ANKS1B: variants seen among roughly 807,000 people sequenced by gnomAD.
ANKS1B encodes the protein ankyrin repeat and sterile alpha motif domain-containing protein 1B.
Under a neutral mutation model 148.3 loss-of-function variants are expected in ANKS1B, and 36 were observed. That is an observed-to-expected ratio of 0.24 (90% CI 0.19 to 0.32). The LOEUF is 0.32. Among genes scored for constraint, ANKS1B ranks in the 10% least tolerant of loss-of-function variants. The pLI is 1.00. For synonymous variants in ANKS1B, 542 were observed against 560.8 expected (o/e 0.97, Z 0.47); for missense variants, 1,157 against 1,542.6 (o/e 0.75, Z 4.19).
chr12:99,075,249 C>G (rs1565909963), intron 16 of ANKS1B, among the ~76,000 whole-genome samples: 1 of 151,922 alleles, frequency 6.6e-6, no homozygotes, highest in Non-Finnish European at 1.5e-5. Flanking sequence ...TGATGCATTT[C>G]CTGTCCTGGC....
chr12:99,661,693 C>T (rs1396580806), intron 8 of ANKS1B, among the ~76,000 whole-genome samples: 2 of 152,152 alleles, frequency 1.3e-5, no homozygotes, highest in Admixed American at 6.5e-5. Flanking sequence ...AATATACAGT[C>T]CCCCCTCCTC....
intron 12 of ANKS1B, among the ~76,000 whole-genome samples, chr12:99,347,990 G>A (rs1428287005): frequency 6.6e-6 from 1 of 151,748 alleles, no homozygotes; most frequent in Non-Finnish European, 1.5e-5. Flanking sequence ...AATAAAGAAG[G>A]CAGAAATGAT....
At chr12:99,678,125 C>T (rs1327018721) in intron 8 of ANKS1B, among the ~76,000 whole-genome samples, 1 of 152,166 alleles carries the variant, frequency 6.6e-6, no homozygotes, top group Non-Finnish European at 1.5e-5. Context: ...TAAGATAGAA[C>T]AAAATCTATG....
At chr12:98,842,902 T>C (rs1055931568) in intron 17 of ANKS1B, among the ~76,000 whole-genome samples, 1 of 152,200 alleles carries the variant, frequency 6.6e-6, no homozygotes, top group African/African-American at 2.4e-5. Context: ...TTCCTATGTA[T>C]GTATATTTTT....
intron 17 of ANKS1B, among the ~76,000 whole-genome samples, chr12:98,848,444 T>C (rs1033572131): frequency 1.8e-4 from 27 of 152,284 alleles, no homozygotes; most frequent in African/African-American, 6.5e-4. Context: ...ATGATGAAAA[T>C]GCTATAGTGT....
At chr12:99,718,751 A>G (rs752361742) in intron 8 of ANKS1B, among the ~76,000 whole-genome samples, 10 of 152,186 alleles carry the variant, frequency 6.6e-5, no homozygotes, top group Non-Finnish European at 8.8e-5. Context: ...GATCTCAAAC[A>G]TGCTTTCTTT....
At chr12:99,017,326 G>T (rs1192678628) in intron 17 of ANKS1B, among the ~76,000 whole-genome samples, 1 of 152,096 alleles carries the variant, frequency 6.6e-6, no homozygotes, top group Non-Finnish European at 1.5e-5. Context: ...CTAATGGAAA[G>T]GCACAAGGTT....
chr12:99,320,075 C>G (rs187500861), intron 12 of ANKS1B, among the ~76,000 whole-genome samples: 9 of 152,290 alleles, frequency 5.9e-5, no homozygotes, highest in South Asian at 2.1e-4. Flanking sequence ...TTAGTCTGAT[C>G]GGCTTCCCTT....
At chr12:99,578,099 C>T (rs913570127) in intron 9 of ANKS1B, among the ~76,000 whole-genome samples, 1 of 151,988 alleles carries the variant, frequency 6.6e-6, no homozygotes, top group African/African-American at 2.4e-5. Flanking sequence ...TCACCACAAA[C>T]AGAAGTAAAA....
At position 99,405,284 on chromosome 12, in the gene ANKS1B, G is replaced by C. The variant is rs1466273581; in HGVS notation, c.1576-5473C>G. Among the ~76,000 whole-genome samples the C allele has an allele frequency of 1.4e-5, 2 of 145,478 alleles. 1 individual carries two copies. The highest frequency in any genetic ancestry group is 5.2e-5 in the African/African-American group (2 of 38,440). ...ATTGGGATGTGTGAACTCATATTTTGAGGTGACAAATGAAAAAATAGACTG... is the reference window on the plus strand; with the variant it reads ...ATTGGGATGTGTGAACTCATATTTTCAGGTGACAAATGAAAAAATAGACTG... On this transcript the variant is annotated intron_variant, in intron 11 of 26. Coordinates refer to ENST00000683438, the MANE Select transcript of ANKS1B (RefSeq NM_001352186.2).
At chr12:99,536,962 GTTTGT>G (rs1399102657) in intron 9 of ANKS1B, among the ~76,000 whole-genome samples, 1 of 152,008 alleles carries the variant, frequency 6.6e-6, no homozygotes, top group African/African-American at 2.4e-5. Context: ...ATCTCCATGA[GTTTGT>G]TTTGCTTTTT....
At chr12:98,799,954 G>A (rs1427985210) in intron 21 of ANKS1B, among the ~76,000 whole-genome samples, 1 of 151,934 alleles carries the variant, frequency 6.6e-6, no homozygotes, top group South Asian at 2.1e-4. Context: ...TGACAAGACT[G>A]GAGACTTGTA....
In ANKS1B at chr12:99,356,470, T is replaced by C. The variant is rs548368172; in HGVS notation, c.1756+43161A>G. On this transcript the variant is annotated intron_variant, in intron 12 of 26. Coordinates refer to ENST00000683438, the MANE Select transcript of ANKS1B (RefSeq NM_001352186.2). ...CACTGAGGAGCCTGCTGAGAGAGCA[T>C]GCCAGCATCAGGAAGGAAAATTCCT... is the stretch of plus-strand genomic sequence containing the variant. Among the ~76,000 whole-genome samples, 415 of 152,250 alleles carry C rather than the reference T, an allele frequency of 2.7e-3. 5 individuals carry two copies. Among genetic ancestry groups the C allele is most frequent in the Middle Eastern group, 0.017 (5 of 294 alleles).
rs540251908 is a variant in ANKS1B at position 98,829,904 on chromosome 12, G to A, written c.2887-551C>T. Among the ~76,000 whole-genome samples the A allele has an allele frequency of 5.9e-5, 9 of 152,336 alleles. No homozygotes were observed. The highest frequency in any genetic ancestry group is 2.1e-4 in the South Asian group (1 of 4,826). On this transcript the variant is annotated intron_variant, in intron 18 of 26. Coordinates refer to ENST00000683438, the MANE Select transcript of ANKS1B (RefSeq NM_001352186.2). The surrounding 1 kb of genome is among the most constrained non-coding windows in gnomAD (Gnocchi z 5.2). ...AAAGACAACTCCATCCAAGGGAAACGGGTCAGGAGGAAGATAGGGGGCATA... is the reference window on the plus strand; with the variant it reads ...AAAGACAACTCCATCCAAGGGAAACAGGTCAGGAGGAAGATAGGGGGCATA...
At chr12:99,825,652 G>A (rs1357735315) in intron 1 of ANKS1B, among the ~76,000 whole-genome samples, 1 of 152,134 alleles carries the variant, frequency 6.6e-6, no homozygotes, top group East Asian at 1.9e-4. Context: ...ACTGAAGTTT[G>A]GATCCAAAAA....
chr12:99,751,843 T>C (rs1178163373), intron 8 of ANKS1B, among the ~76,000 whole-genome samples: 1 of 152,034 alleles, frequency 6.6e-6, no homozygotes, highest in African/African-American at 2.4e-5. Flanking sequence ...GAAAGCCTAA[T>C]ACAAATTGGA....
intron 12 of ANKS1B, among the ~76,000 whole-genome samples, chr12:99,348,773 G>A (rs2091058826): frequency 6.6e-6 from 1 of 151,800 alleles, no homozygotes; most frequent in Admixed American, 6.6e-5. Context: ...TAACAGACTG[G>A]TACTGTAAGA....
chr12:99,872,329 A>G (rs1354212692), intron 1 of ANKS1B, among the ~76,000 whole-genome samples: 1 of 152,106 alleles, frequency 6.6e-6, no homozygotes, highest in Non-Finnish European at 1.5e-5. Flanking sequence ...CTTATTCTAG[A>G]TGGTACTTGC....
chr12:99,421,527 G>A (rs1400714690), intron 11 of ANKS1B, among the ~76,000 whole-genome samples: 3 of 152,000 alleles, frequency 2.0e-5, no homozygotes, highest in Non-Finnish European at 4.4e-5. Flanking sequence ...GGACCACAAA[G>A]AAGGGGGAAA....
Sources: gnomAD v4.1 joint callset for allele counts (sites outside exome capture counted in the v4.1 genomes callset) on GRCh38, gnomAD v4.1.1 for gene constraint, Gnocchi (gnomAD v3.1) non-coding constraint, MANE v1.5 for transcripts, NCBI Gene and HGNC (gene_info 2026-07-23, HGNC 2026-07-21) for gene names.